GALNTL6: variants seen among roughly 807,000 people sequenced by gnomAD.
GALNTL6 encodes the protein polypeptide N-acetylgalactosaminyltransferase-like 6.
A neutral mutation model predicts 73.7 loss-of-function variants in GALNTL6; 46 were observed. The observed-to-expected ratio is 0.62, with a 90% CI of 0.49 to 0.80. The LOEUF (loss-of-function observed/expected upper bound fraction) is 0.80, where lower values mean the gene tolerates loss of function less well. GALNTL6 is among the 30% of genes least tolerant of loss of function. The pLI, the probability that GALNTL6 is intolerant of heterozygous loss-of-function variation, is 0.00. For synonymous variants in GALNTL6, 259 were observed against 263.7 expected (o/e 0.98, Z 0.17); for missense variants, 604 against 755.0 (o/e 0.80, Z 2.34).
intron 2 of GALNTL6, among the ~76,000 whole-genome samples, chr4:171,908,556 C>G (rs1440223981): frequency 6.6e-6 from 1 of 151,832 alleles, no homozygotes; most frequent in African/African-American, 2.4e-5. Flanking sequence ...GGACTGTAAA[C>G]TAGTTCAACC....
intron 8 of GALNTL6, among the ~76,000 whole-genome samples, chr4:172,920,569 G>T (rs1426401833): frequency 6.6e-5 from 10 of 152,000 alleles, no homozygotes; most frequent in African/African-American, 2.4e-5. Context: ...TTATTTTCTG[G>T]TCCTAGAAAT....
At chr4:172,627,387 A>C (rs1283643729) in intron 5 of GALNTL6, among the ~76,000 whole-genome samples, 2 of 152,072 alleles carry the variant, frequency 1.3e-5, no homozygotes, top group Admixed American at 6.6e-5. Context: ...CTGTGGATTC[A>C]ACTTGCAAGT....
chr4:171,930,923 T>A (rs1037150222), intron 2 of GALNTL6, among the ~76,000 whole-genome samples: 1 of 152,178 alleles, frequency 6.6e-6, no homozygotes, highest in Non-Finnish European at 1.5e-5. Flanking sequence ...AAAGTCCTAG[T>A]TACAGCAATT....
At position 172,061,495 on chromosome 4, in the gene GALNTL6, G is replaced by A. The variant is rs544999545; in HGVS notation, c.139-168161G>A. Among the ~76,000 whole-genome samples, 4 of 152,166 alleles carry A rather than the reference G, an allele frequency of 2.6e-5. No homozygotes were observed. In the East Asian group the frequency reaches 7.7e-4, roughly 29 times the overall value. On this transcript the variant is annotated intron_variant, in intron 2 of 12. Transcript: ENST00000506823. Reference sequence around the variant, plus strand: ...CTAGTGAAAGAAAAGAACTGTTTTGGTCATATCATTTCAAAATGTCTTGTT... The same window carrying A: ...CTAGTGAAAGAAAAGAACTGTTTTGATCATATCATTTCAAAATGTCTTGTT...
chr4:172,286,106 C>A (rs1193419453), intron 3 of GALNTL6, among the ~76,000 whole-genome samples: 1 of 152,056 alleles, frequency 6.6e-6, no homozygotes, highest in Non-Finnish European at 1.5e-5. Flanking sequence ...GATTTTGTAT[C>A]CTCAATTAGT....
At chr4:172,953,985 G>T (rs2126352878) in intron 10 of GALNTL6, among the ~76,000 whole-genome samples, 1 of 152,170 alleles carries the variant, frequency 6.6e-6, no homozygotes, top group South Asian at 2.1e-4. Flanking sequence ...TTTTTTGTTT[G>T]TTTGTTTTTT....
chr4:172,794,275 A>G (rs964702940), intron 5 of GALNTL6, among the ~76,000 whole-genome samples: 3 of 152,224 alleles, frequency 2.0e-5, no homozygotes, highest in Admixed American at 2.0e-4. Flanking sequence ...AGTGAAAGGG[A>G]ACCATTACTC....
chr4:172,573,476 C>A (rs1248694964), intron 5 of GALNTL6, among the ~76,000 whole-genome samples: 1 of 152,096 alleles, frequency 6.6e-6, no homozygotes, highest in Non-Finnish European at 1.5e-5. Flanking sequence ...ACAGAAATTT[C>A]TCTGAATTTC....
At chr4:172,741,069 C>T (rs866151574) in intron 5 of GALNTL6, among the ~76,000 whole-genome samples, 5 of 149,418 alleles carry the variant, frequency 3.3e-5, no homozygotes, top group Middle Eastern at 3.2e-3. Context: ...ATAAAATCAC[C>T]GTGAACACTG....
intron 2 of GALNTL6, among the ~76,000 whole-genome samples, chr4:171,878,061 T>C (rs1373829904): frequency 6.6e-6 from 1 of 152,226 alleles, no homozygotes; most frequent in Non-Finnish European, 1.5e-5. Flanking sequence ...TGGAACTGTT[T>C]ATAATTCTAG....
intron 5 of GALNTL6, among the ~76,000 whole-genome samples, chr4:172,455,272 A>G (rs991829706): frequency 6.6e-6 from 1 of 152,156 alleles, no homozygotes; most frequent in South Asian, 2.1e-4. Flanking sequence ...TCAAGCACAA[A>G]ACTGGGCAGC....
chr4:171,883,076 C>T (rs1736498611), intron 2 of GALNTL6, among the ~76,000 whole-genome samples: 1 of 152,110 alleles, frequency 6.6e-6, no homozygotes, highest in South Asian at 2.1e-4. Flanking sequence ...GGTGGCTGGG[C>T]ACAGTGGCTC....
At chr4:172,049,419 C>G in intron 2 of GALNTL6, among the ~76,000 whole-genome samples, 1 of 152,004 alleles carries the variant, frequency 6.6e-6, no homozygotes, top group African/African-American at 2.4e-5. Flanking sequence ...ATCCTTTTTA[C>G]CTTTTATAAA....
At chr4:172,771,618 C>T (rs779032400) in intron 5 of GALNTL6, among the ~76,000 whole-genome samples, 2 of 152,136 alleles carry the variant, frequency 1.3e-5, no homozygotes, top group Admixed American at 6.5e-5. Flanking sequence ...TCATCGTTTT[C>T]TCTGGGAAGT....
Position 173,041,236 on chromosome 4 carries a change from CT to C in GALNTL6, c.*1140del, listed in dbSNP as rs1195108858. ...TTTGTAGTGTTGAATTAATGATGTT[CT>C]TTTATTTGGAAGCTCATAAAAGGAA... On this transcript the variant is annotated 3_prime_UTR_variant, in exon 13 of 13. Transcript: ENST00000506823. The C allele has an allele frequency of 6.8e-6, 1 of 146,134 alleles. No homozygotes were observed. Among genetic ancestry groups the C allele is most frequent in the East Asian group, 2.0e-4 (1 of 5,022 alleles). 9.1% of individuals were successfully genotyped at this position (146,134 alleles called of 1,614,324 possible). A position where few individuals can be genotyped will look rare whatever the true frequency, so the allele number is the denominator to read the frequency against.
intron 5 of GALNTL6, among the ~76,000 whole-genome samples, chr4:172,704,806 A>G (rs1734229301): frequency 6.6e-6 from 1 of 152,022 alleles, no homozygotes; most frequent in South Asian, 2.1e-4. Flanking sequence ...TTGTACCATT[A>G]TTGTATTGCA....
intron 2 of GALNTL6, among the ~76,000 whole-genome samples, chr4:172,209,290 G>T (rs1736247819): frequency 6.6e-6 from 1 of 151,994 alleles, no homozygotes; most frequent in African/African-American, 2.4e-5. Context: ...CAAGCTCAGT[G>T]TATATAGGTG....
intron 5 of GALNTL6, among the ~76,000 whole-genome samples, chr4:172,704,660 ACT>A (rs1162331225): frequency 6.6e-6 from 1 of 151,978 alleles, no homozygotes; most frequent in East Asian, 1.9e-4. Context: ...AAGAATGTGC[ACT>A]CTGCAGCAGC....
At chr4:172,554,866 A>G (rs556016074) in intron 5 of GALNTL6, among the ~76,000 whole-genome samples, 2 of 152,272 alleles carry the variant, frequency 1.3e-5, no homozygotes, top group Admixed American at 6.5e-5. Context: ...TAATGCCACT[A>G]TGATCACCAT....
Sources: gnomAD v4.1 joint callset for allele counts (sites outside exome capture counted in the v4.1 genomes callset) on GRCh38, gnomAD v4.1.1 for gene constraint, MANE v1.5 for transcripts, NCBI Gene and HGNC (gene_info 2026-07-23, HGNC 2026-07-21) for gene names.